The following TEAD1 variants were observed in gnomAD, a reference collection of about 807,000 sequenced individuals.
TEAD1 encodes the protein TEA domain transcription factor 1.
A neutral mutation model predicts 54.9 loss-of-function variants in TEAD1; 9 were observed. The observed-to-expected ratio is 0.16, with a 90% CI of 0.10 to 0.29. TEAD1 has a LOEUF of 0.29. Among genes scored for constraint, TEAD1 ranks in the 10% least tolerant of loss-of-function variants. The pLI is 1.00. For synonymous variants in TEAD1, 200 were observed against 187.8 expected (o/e 1.07, Z -0.53); for missense variants, 387 against 535.9 (o/e 0.72, Z 2.74).
At chr11:12,701,895 A>T (rs114533702) in intron 2 of TEAD1, among the ~76,000 whole-genome samples, 2 of 152,200 alleles carry the variant, frequency 1.3e-5, no homozygotes, top group African/African-American at 4.8e-5. Context: ...ACTTTCTATA[A>T]GAAATTCTAT....
chr11:12,741,718 T>C (rs925845103), intron 2 of TEAD1, among the ~76,000 whole-genome samples: 6 of 152,188 alleles, frequency 3.9e-5, no homozygotes, highest in South Asian at 2.1e-4. Flanking sequence ...GTTCAGGATA[T>C]TAAAGAGGAG....
intron 9 of TEAD1, among the ~76,000 whole-genome samples, chr11:12,899,489 A>G (rs1948382605): frequency 6.6e-6 from 1 of 152,100 alleles, no homozygotes; most frequent in Non-Finnish European, 1.5e-5. Flanking sequence ...GCTGTTGTTT[A>G]TAATTGGAAA....
intron 3 of TEAD1, among the ~76,000 whole-genome samples, chr11:12,855,837 A>T (rs1589928639): frequency 2.0e-5 from 3 of 151,716 alleles, no homozygotes; most frequent in Admixed American, 2.0e-4. Context: ...GGTCCCAGCT[A>T]CTTGGGAGGC....
intron 2 of TEAD1, among the ~76,000 whole-genome samples, chr11:12,744,067 C>G (rs1944699119): frequency 6.6e-6 from 1 of 152,222 alleles, no homozygotes; most frequent in Non-Finnish European, 1.5e-5. Context: ...CTTCACTTGT[C>G]ATCTTTAATT....
chr11:12,794,647 G>A (rs1404050576), intron 3 of TEAD1, among the ~76,000 whole-genome samples: 1 of 152,146 alleles, frequency 6.6e-6, no homozygotes, highest in Non-Finnish European at 1.5e-5. Flanking sequence ...GAGCCTCCTG[G>A]GCCAGAATGG....
intron 3 of TEAD1, among the ~76,000 whole-genome samples, chr11:12,824,855 G>A (rs1298513881): frequency 6.6e-6 from 1 of 152,086 alleles, no homozygotes. Context: ...AGTCTCTCCC[G>A]GACTGTTGCT....
intron 2 of TEAD1, among the ~76,000 whole-genome samples, chr11:12,749,831 G>A (rs893023731): frequency 2.0e-5 from 3 of 152,162 alleles, no homozygotes; most frequent in African/African-American, 2.4e-5. Flanking sequence ...TCCTGCCTCA[G>A]CCTGTCTTCA....
chr11:12,780,606 A>T (rs910672613), intron 3 of TEAD1, among the ~76,000 whole-genome samples: 20 of 152,364 alleles, frequency 1.3e-4, no homozygotes, highest in Admixed American at 1.2e-3. Flanking sequence ...AATTTTATTC[A>T]TCATAGTGTG....
chr11:12,700,255 A>T (rs1003710054), intron 2 of TEAD1, among the ~76,000 whole-genome samples: 1 of 152,188 alleles, frequency 6.6e-6, no homozygotes, highest in Non-Finnish European at 1.5e-5. Context: ...ACAGGAATGG[A>T]ATCTTCATTC....
At chr11:12,871,592 A>G (rs949684648) in intron 5 of TEAD1, among the ~76,000 whole-genome samples, 1 of 152,118 alleles carries the variant, frequency 6.6e-6, no homozygotes, top group Non-Finnish European at 1.5e-5. Flanking sequence ...CCCTGCTCAG[A>G]GTCCTTCTTT....
intron 10 of TEAD1, among the ~76,000 whole-genome samples, chr11:12,919,295 G>T (rs1178652045): frequency 6.6e-6 from 1 of 152,134 alleles, no homozygotes; most frequent in Non-Finnish European, 1.5e-5. Flanking sequence ...AGAGATAATG[G>T]TAAACCAATG....
At chr11:12,737,509 C>G (rs1944561973) in intron 2 of TEAD1, among the ~76,000 whole-genome samples, 1 of 152,164 alleles carries the variant, frequency 6.6e-6, no homozygotes, top group Admixed American at 6.5e-5. Flanking sequence ...CTTGTCATTT[C>G]AGCATTACCT....
At chr11:12,769,065 T>A (rs1945264323) in intron 3 of TEAD1, among the ~76,000 whole-genome samples, 1 of 152,096 alleles carries the variant, frequency 6.6e-6, no homozygotes, top group South Asian at 2.1e-4. Flanking sequence ...TGGGCAGAGC[T>A]GTTGCTTCCA....
rs1027045680 is a variant in TEAD1 at position 12,674,783 on chromosome 11, G to T, written c.-259G>T. On this transcript the variant is annotated 5_prime_UTR_variant, in exon 1 of 13. Coordinates refer to ENST00000527636, the MANE Select transcript of TEAD1 (RefSeq NM_021961.6). ...CCGAGCAGAGGGCGGGGGAAGCGGC[G>T]CCGAAGTTTGCCTCGGACTCGCCGG... 1 of 151,118 alleles carries T rather than the reference G, an allele frequency of 6.6e-6. No homozygotes were observed. The highest frequency in any genetic ancestry group is 1.5e-5 in the Non-Finnish European group (1 of 67,796). 9.4% of individuals were successfully genotyped at this position (151,118 alleles called of 1,614,324 possible).
chr11:12,774,352 G>A (rs542658667), intron 3 of TEAD1, among the ~76,000 whole-genome samples: 2 of 152,328 alleles, frequency 1.3e-5, no homozygotes, highest in East Asian at 3.9e-4. Context: ...CTTCACAGTG[G>A]TAAAGTGTGC....
intron 2 of TEAD1, among the ~76,000 whole-genome samples, chr11:12,699,359 C>T (rs923720800): frequency 6.6e-6 from 1 of 151,778 alleles, no homozygotes; most frequent in Non-Finnish European, 1.5e-5. Flanking sequence ...TTGTAGAAAC[C>T]GCTTGTCTGG....
chr11:12,798,520 C>G (rs925207031), intron 3 of TEAD1, among the ~76,000 whole-genome samples: 23 of 152,172 alleles, frequency 1.5e-4, no homozygotes, highest in Admixed American at 4.6e-4. Context: ...ACCTCCACAA[C>G]AAGGCACTCC....
chr11:12,736,223 TC>T (rs1944527777), intron 2 of TEAD1, among the ~76,000 whole-genome samples: 1 of 152,224 alleles, frequency 6.6e-6, no homozygotes, highest in Non-Finnish European at 1.5e-5. Flanking sequence ...ATTTACTATT[TC>T]TATTCAAAAC....
intron 3 of TEAD1, among the ~76,000 whole-genome samples, chr11:12,827,851 G>A (rs1282396436): frequency 6.6e-6 from 1 of 152,126 alleles, no homozygotes; most frequent in African/African-American, 2.4e-5. Context: ...AAACGTTTAG[G>A]GACTTCTTGT....
Sources: gnomAD v4.1 joint callset for allele counts (sites outside exome capture counted in the v4.1 genomes callset) on GRCh38, gnomAD v4.1.1 for gene constraint, MANE v1.5 for transcripts, NCBI Gene and HGNC (gene_info 2026-07-23, HGNC 2026-07-21) for gene names.